Variants in ZFYVE9 observed in about 807,000 individuals in gnomAD.
ZFYVE9 encodes the protein zinc finger FYVE domain-containing protein 9.
A neutral mutation model predicts 126.7 loss-of-function variants in ZFYVE9; 43 were observed. That is an observed-to-expected ratio of 0.34 (90% CI 0.27 to 0.44). The LOEUF (loss-of-function observed/expected upper bound fraction) is 0.44. Ranked by LOEUF, ZFYVE9 falls within the 20% of genes least tolerant of loss-of-function variation. The pLI is 1.00. For missense variants in ZFYVE9, 1,476 were observed against 1,697.0 expected (o/e 0.87, Z 2.29); for synonymous variants, 521 against 597.4 (o/e 0.87, Z 1.87).
At chr1:52,265,538 C>T (rs991376318) in intron 5 of ZFYVE9, among the ~76,000 whole-genome samples, 4 of 152,114 alleles carry the variant, frequency 2.6e-5, no homozygotes, top group Non-Finnish European at 5.9e-5. Flanking sequence ...GCTTTAAAGG[C>T]GATAGGTGAT....
intron 17 of ZFYVE9, among the ~76,000 whole-genome samples, chr1:52,344,034 T>C (rs1446025978): frequency 2.0e-5 from 3 of 149,260 alleles, no homozygotes; most frequent in African/African-American, 7.4e-5. Flanking sequence ...GTCATGCCAC[T>C]GCACTCCAGC....
intron 1 of ZFYVE9, among the ~76,000 whole-genome samples, chr1:52,157,038 T>C (rs558215019): frequency 5.1e-4 from 77 of 152,230 alleles, no homozygotes; most frequent in Non-Finnish European, 9.7e-4. Context: ...TTCACCGTGT[T>C]AGCCAGGATG....
chr1:52,263,611 C>T (rs1235769184), intron 4 of ZFYVE9, among the ~76,000 whole-genome samples, 162 bp from the exon 5 acceptor site: 1 of 152,142 alleles, frequency 6.6e-6, no homozygotes, highest in East Asian at 1.9e-4. Flanking sequence ...CTCACTCTTG[C>T]TTTTGAATTA....
At chr1:52,293,793 C>T in intron 11 of ZFYVE9, 116 bp downstream of exon 11, 1 of 1,042,600 alleles carries the variant, frequency 9.6e-7, no homozygotes, top group Non-Finnish European at 1.4e-6. Context: ...AATAGCTAAA[C>T]TAAATTTGGC....
At chr1:52,254,078 C>T (rs1336144826) in intron 4 of ZFYVE9, 1 of 765,888 alleles carries the variant, frequency 1.3e-6, no homozygotes, top group Non-Finnish European at 2.3e-6. Context: ...GACACCCACC[C>T]ATATGAGACA....
At chr1:52,278,673 A>G (rs1045228630) in intron 9 of ZFYVE9, 59 bp downstream of exon 9, 1 of 1,217,548 alleles carries the variant, frequency 8.2e-7, no homozygotes, top group East Asian at 2.6e-5. Flanking sequence ...TAGTACATAA[A>G]ACTTTCAGAT....
At chr1:52,182,879 G>C (rs1644726132) in intron 1 of ZFYVE9, among the ~76,000 whole-genome samples, 1 of 150,688 alleles carries the variant, frequency 6.6e-6, no homozygotes, top group Non-Finnish European at 1.5e-5. Flanking sequence ...TATATTTTAA[G>C]TAAGCCATAA....
intron 5 of ZFYVE9, among the ~76,000 whole-genome samples, chr1:52,265,807 GA>G (rs1438231050): frequency 6.6e-6 from 1 of 152,114 alleles, no homozygotes; most frequent in African/African-American, 2.4e-5. Flanking sequence ...TTTTTAATGA[GA>G]TTTTATTTTA....
chr1:52,143,898 C>G lies in ZFYVE9; in HGVS notation c.-143+1495C>G, dbSNP rs1216927834. ...TGCTGTAGCCTTGCATTGTTTTTGT[C>G]AGATTTTAAGTATTTCTTTTAAAAA... On this transcript the variant is annotated intron_variant, in intron 1 of 18. Transcript: ENST00000287727. Among the ~76,000 whole-genome samples the G allele has an allele frequency of 2.0e-5, 3 of 152,272 alleles. No individual in the cohort carries two copies. The East Asian group carries it at 5.8e-4, about 29-fold the overall frequency.
chr1:52,199,453 G>C (rs192455361), intron 1 of ZFYVE9, among the ~76,000 whole-genome samples: 29 of 152,266 alleles, frequency 1.9e-4, no homozygotes, highest in Non-Finnish European at 2.8e-4. Context: ...TTTGAGATTG[G>C]CTTCTTTCAC....
chr1:52,165,549 A>G (rs1013775249), intron 1 of ZFYVE9, among the ~76,000 whole-genome samples: 1 of 152,208 alleles, frequency 6.6e-6, no homozygotes, highest in African/African-American at 2.4e-5. Flanking sequence ...TGGCCCGCAG[A>G]ATCACCACTG....
chr1:52,204,182 T>C (rs1309874546), intron 1 of ZFYVE9, among the ~76,000 whole-genome samples: 1 of 152,042 alleles, frequency 6.6e-6, no homozygotes, highest in East Asian at 1.9e-4. Context: ...TTTAGTAATG[T>C]GATAAGCTGT....
intron 1 of ZFYVE9, among the ~76,000 whole-genome samples, chr1:52,151,011 G>C (rs1025403909): frequency 4.2e-5 from 6 of 142,204 alleles, no homozygotes; most frequent in African/African-American, 1.6e-4. Context: ...TTTTTTAGTA[G>C]TAGTAGCCGA....
In ZFYVE9 at chr1:52,346,216, G is replaced by T; in HGVS notation, c.4273G>T (p.Val1425Leu). ...ELIFYILENIV is the reference protein window; with the variant it reads ...ELIFYILENIL The stretch of plus-strand genomic sequence containing the variant: ...CATCTTTTATATTCTGGAAAACATC[G>T]TATAAACAGAGAAGACTTCATTTTT... The change falls in exon 19 of 19, where the codon GTA becomes TTA. Residue 1425 changes from valine to leucine, a missense_variant. By Grantham distance (32) the Val-to-Leu change is conservative. Coordinates refer to ENST00000287727, the MANE Select transcript of ZFYVE9 (RefSeq NM_004799.4). The T allele has an allele frequency of 6.3e-7, 1 of 1,586,476 alleles. No homozygotes were observed. The highest frequency in any genetic ancestry group is 8.6e-7 in the Non-Finnish European group (1 of 1,162,222).
chr1:52,219,550 A>G (rs183854475), intron 2 of ZFYVE9, among the ~76,000 whole-genome samples: 144 of 151,962 alleles, frequency 9.5e-4, no homozygotes, highest in African/African-American at 3.3e-3. Flanking sequence ...TAAGGACGTG[A>G]TCTCTGGGCT....
chr1:52,164,015 A>C (rs1452981126), intron 1 of ZFYVE9, among the ~76,000 whole-genome samples: 1 of 151,466 alleles, frequency 6.6e-6, no homozygotes, highest in South Asian at 2.1e-4. Context: ...GTAGTGGCTC[A>C]ATCACTGCTC....
chr1:52,225,585 G>A (rs1048806872), intron 2 of ZFYVE9, among the ~76,000 whole-genome samples: 6 of 152,198 alleles, frequency 3.9e-5, no homozygotes, highest in East Asian at 3.8e-4. Context: ...AGCTGATCCC[G>A]ATTGGCCAAG....
chr1:52,238,021 T>C lies in ZFYVE9; in HGVS notation c.604T>C (p.Ser202Pro). ...TDQFSFSINE[S>P]TEKDMNSEKQ... is the part of the protein sequence containing the mutation. The stretch of plus-strand genomic sequence containing the variant: ...TCAATTTAGTTTTAGTATAAATGAG[T>C]CCACTGAAAAAGATATGAATTCAGA... Residue 202 changes from serine to proline, a missense_variant, in exon 4 of 19, where the codon TCC (serine) becomes CCC (proline). Around this residue, in one of 2 missense-constraint regions of ZFYVE9, gnomAD observed 807 missense variants for 794.6 expected, o/e 1.02. Coordinates refer to ENST00000287727, the MANE Select transcript of ZFYVE9 (RefSeq NM_004799.4). The C allele has an allele frequency of 6.2e-7, 1 of 1,613,818 alleles. No individual in the cohort carries two copies. Among genetic ancestry groups the C allele is most frequent in the Non-Finnish European group, 8.5e-7 (1 of 1,179,884 alleles).
intron 1 of ZFYVE9, chr1:52,162,388 A>T: frequency 3.1e-6 from 1 of 319,638 alleles, no homozygotes; most frequent in Non-Finnish European, 6.3e-6. Flanking sequence ...CACCACTATG[A>T]GTTCTGCCCA....
Sources: allele counts gnomAD v4.1 joint callset (sites outside exome capture counted in the v4.1 genomes callset), GRCh38; gene constraint gnomAD v4.1.1; regional missense constraint gnomAD v4.1.1; transcripts MANE v1.5; gene names NCBI Gene and HGNC (gene_info 2026-07-23, HGNC 2026-07-21).